The following DAB1 variants were observed in gnomAD, a reference collection of about 807,000 sequenced individuals.
DAB1 encodes disabled homolog 1.
DAB1 carries 15 observed loss-of-function variants against 64.6 expected under a neutral mutation model. That is an observed-to-expected ratio of 0.23 (90% CI 0.16 to 0.36). The LOEUF (loss-of-function observed/expected upper bound fraction) is 0.36, where lower values mean the gene tolerates loss of function less well. Ranked by LOEUF, DAB1 falls within the 10% of genes least tolerant of loss-of-function variation. The pLI is 1.00. For missense variants in DAB1, 596 were observed against 706.7 expected (o/e 0.84, Z 1.78); for synonymous variants, 235 against 251.9 (o/e 0.93, Z 0.64).
intron 5 of DAB1, among the ~76,000 whole-genome samples, chr1:58,108,225 G>T (rs1456511339): frequency 6.6e-6 from 1 of 152,180 alleles, no homozygotes; most frequent in Non-Finnish European, 1.5e-5. Flanking sequence ...CCAAACAGAG[G>T]AGACTGAAGC....
intron 4 of DAB1, among the ~76,000 whole-genome samples, chr1:57,122,568 C>T (rs1656757373): frequency 6.6e-6 from 1 of 152,246 alleles, no homozygotes; most frequent in African/African-American, 2.4e-5. Flanking sequence ...AGACCTCATC[C>T]AGACTGCAGG....
chr1:57,691,587 T>C (rs1189162879), intron 6 of DAB1, among the ~76,000 whole-genome samples: 1 of 152,180 alleles, frequency 6.6e-6, no homozygotes, highest in Non-Finnish European at 1.5e-5. Context: ...TGTGAAGGTC[T>C]GTGGCTTCAT....
At chr1:57,446,387 C>T (rs1047515123) in intron 7 of DAB1, among the ~76,000 whole-genome samples, 2 of 152,056 alleles carry the variant, frequency 1.3e-5, no homozygotes, top group African/African-American at 2.4e-5. Flanking sequence ...CACCTGAGGT[C>T]GGGAGTTCGA....
intron 1 of DAB1, among the ~76,000 whole-genome samples, chr1:57,319,134 C>T (rs1018854386): frequency 4.6e-5 from 7 of 152,174 alleles, no homozygotes; most frequent in Admixed American, 1.3e-4. Flanking sequence ...AGAAGTGTTG[C>T]ATGGCCCCAG....
intron 6 of DAB1, among the ~76,000 whole-genome samples, chr1:57,757,301 C>T (rs945906602): frequency 2.0e-5 from 3 of 147,868 alleles, no homozygotes; most frequent in Non-Finnish European, 4.5e-5. Context: ...AACTTATTAA[C>T]GGTGTGACTT....
At chr1:57,572,477 A>C (rs934688231) in intron 7 of DAB1, among the ~76,000 whole-genome samples, 1 of 152,186 alleles carries the variant, frequency 6.6e-6, no homozygotes, top group African/African-American at 2.4e-5. Flanking sequence ...AATACTTTCT[A>C]GCTATACCAT....
Position 58,482,324 on chromosome 1 carries a change from C to T in DAB1, n.257+23736G>A, listed in dbSNP as rs568768570. ...ACACAATGGGAAATACTAAAAGAAT[C>T]GTCCAATAGAATTGGAAATAGTTAC... On this transcript the variant is annotated intron_variant and non_coding_transcript_variant, in intron 3 of 20. Transcript: ENST00000485760. 5.9e-5 allele frequency among the ~76,000 whole-genome samples: 9 copies of T among 152,244 alleles called. No individual in the cohort carries two copies. In the South Asian group the frequency reaches 1.0e-3, roughly 18 times the overall value.
intron 7 of DAB1, among the ~76,000 whole-genome samples, chr1:57,555,391 GTTT>G (rs11303581): frequency 2.6e-3 from 336 of 128,802 alleles, no homozygotes; most frequent in African/African-American, 6.9e-3. Flanking sequence ...CTGTCTCTGG[GTTT>G]TTTTTTTTTT....
At chr1:58,047,192 G>C (rs769456266) in intron 5 of DAB1, among the ~76,000 whole-genome samples, 7 of 152,180 alleles carry the variant, frequency 4.6e-5, no homozygotes, top group Non-Finnish European at 8.8e-5. Context: ...ATGAATGCAA[G>C]CCACATATGT....
At chr1:58,142,012 A>ATGT (rs1428497673) in intron 5 of DAB1, among the ~76,000 whole-genome samples, 2 of 152,030 alleles carry the variant, frequency 1.3e-5, no homozygotes, top group Admixed American at 1.3e-4. Context: ...GTCTTTGTGT[A>ATGT]TGTTGGTTCT....
intron 3 of DAB1, among the ~76,000 whole-genome samples, chr1:58,391,313 T>C (rs706414): frequency 0.28 from 42,704 of 152,088 alleles, 7,698 homozygotes; most frequent in African/African-American, 0.52. Context: ...GTCGCTTCTC[T>C]CTCCTCCAGG....
At chr1:57,436,034 A>C (rs974706711) in intron 7 of DAB1, among the ~76,000 whole-genome samples, 3 of 149,108 alleles carry the variant, frequency 2.0e-5, no homozygotes, top group Non-Finnish European at 3.0e-5. Context: ...CTCCTGTCTC[A>C]GCCTCCTGAG....
intron 1 of DAB1, among the ~76,000 whole-genome samples, chr1:57,851,442 A>C (rs1653520613): frequency 6.6e-6 from 1 of 152,184 alleles, no homozygotes; most frequent in Admixed American, 6.5e-5. Context: ...CACACCTCTG[A>C]GGTGGGCTGA....
intron 6 of DAB1, among the ~76,000 whole-genome samples, chr1:57,649,881 T>C (rs1239777749): frequency 2.0e-5 from 3 of 152,164 alleles, no homozygotes; most frequent in African/African-American, 7.2e-5. Context: ...ACAGAATGCC[T>C]CTTAGAAGAG....
chr1:57,380,649 C>T lies in DAB1; in HGVS notation c.-137+43281G>A, dbSNP rs12042218. On this transcript the variant is annotated intron_variant, in intron 1 of 14. Transcript: ENST00000371236. ...AATACAAAGGTGAAATGGCATTGGC[C>T]TCTAGGCTCTTACAGGGCTAGGTCC... is the stretch of plus-strand genomic sequence containing the variant. Among the ~76,000 whole-genome samples the T allele has an allele frequency of 5.2e-4, 79 of 152,276 alleles. 1 individual carries two copies. The East Asian group carries it at 7.5e-3, about 15-fold the overall frequency.
chr1:57,413,743 C>CAAAAAAAA (rs58388088), intron 1 of DAB1, among the ~76,000 whole-genome samples: 23 of 64,506 alleles, frequency 3.6e-4, no homozygotes, highest in African/African-American at 1.1e-3. Flanking sequence ...GACTCTGTCT[C>CAAAAAAAA]AAAAAAAAAA....
At chr1:57,340,854 G>A (rs1677516624) in intron 1 of DAB1, among the ~76,000 whole-genome samples, 1 of 152,160 alleles carries the variant, frequency 6.6e-6, no homozygotes, top group African/African-American at 2.4e-5. Context: ...ACTACAAGAA[G>A]GGCCCTCCTG....
At chr1:58,289,901 G>A (rs1177746137) in intron 4 of DAB1, among the ~76,000 whole-genome samples, 1 of 152,150 alleles carries the variant, frequency 6.6e-6, no homozygotes, top group Non-Finnish European at 1.5e-5. Context: ...CAAGTATTTG[G>A]CATTAGCAAA....
At chr1:57,974,838 A>G (rs1645881873) in intron 5 of DAB1, among the ~76,000 whole-genome samples, 1 of 152,176 alleles carries the variant, frequency 6.6e-6, no homozygotes, top group Non-Finnish European at 1.5e-5. Flanking sequence ...TAATATATAG[A>G]TATATAGTAA....
Sources: gnomAD v4.1 joint callset for allele counts (sites outside exome capture counted in the v4.1 genomes callset) on GRCh38, gnomAD v4.1.1 for gene constraint, MANE v1.5 for transcripts, NCBI Gene and HGNC (gene_info 2026-07-23, HGNC 2026-07-21) for gene names.